KLF11: variants seen among roughly 807,000 people sequenced by gnomAD.
The protein encoded by KLF11 is KLF transcription factor 11.
KLF11 carries 26 observed loss-of-function variants against 29.9 expected under a neutral mutation model. The observed-to-expected ratio is 0.87, with a 90% confidence interval of 0.64 to 1.21. KLF11 has a LOEUF of 1.21. KLF11 is among the 50% of genes most tolerant of loss of function. The probability of loss-of-function intolerance (pLI) is 0.00; values close to 1 mark genes in which losing one functional copy is unlikely to be tolerated. For missense variants in KLF11, 778 were observed against 665.7 expected, an observed-to-expected ratio of 1.17 and a Z score of -1.86; for synonymous variants, 318 against 257.4, an observed-to-expected ratio of 1.24 and a Z score of -2.25.
rs1226804557 is a variant in KLF11, at chr2:10,053,765, A to G, written c.*1258A>G. ...TTTTCAACTGTATGAGCACGTAGAT[A>G]ACCGAGAGAATGTGGCCACCTGTGT... On this transcript the variant is annotated 3_prime_UTR_variant, in exon 4 of 4. Transcript: ENST00000305883. The G allele has an allele frequency of 5.1e-6, 1 of 196,424 alleles. No individual in the cohort carries two copies. Among genetic ancestry groups the G allele is most frequent in the African/African-American group, 2.3e-5 (1 of 43,378 alleles). 12.2% of individuals were successfully genotyped at this position (196,424 alleles called of 1,614,324 possible). A position where few individuals can be genotyped will look rare whatever the true frequency, so the allele number is the denominator to read the frequency against.
At chr2:10,052,152 A>G in intron 3 of KLF11, 75 bp from the exon 4 acceptor site, 1 of 1,420,090 alleles carries the variant, frequency 7.0e-7, no homozygotes, top group East Asian at 2.3e-5. Flanking sequence ...CGATTTTAAA[A>G]TGACATGAAT....
intron 3 of KLF11, among the ~76,000 whole-genome samples, chr2:10,049,114 G>A (rs1661329384): frequency 6.6e-6 from 1 of 152,104 alleles, no homozygotes; most frequent in Non-Finnish European, 1.5e-5. Flanking sequence ...AAGAAACTAT[G>A]CTGACCTAAT....
chr2:10,048,420 C>A lies in KLF11; in HGVS notation c.1083C>A (p.Ala361=). Residue 361 remains alanine, a synonymous_variant, in exon 3 of 4, where the codon GCC becomes GCA. Transcript: ENST00000305883. ...CCTGTGCAGCCAATGTCATGGCTGC[C>A]GGGAATACCAAGTTGTTGCCCCTTG... is the stretch of plus-strand genomic sequence containing the variant. ...PAPCAANVMA[A]GNTKLLPLAP... The A allele has an allele frequency of 6.2e-7, 1 of 1,614,070 alleles. No homozygotes were observed.
At chr2:10,051,992 A>G (rs998754494) in intron 3 of KLF11, among the ~76,000 whole-genome samples, 6 of 152,178 alleles carry the variant, frequency 3.9e-5, no homozygotes, top group African/African-American at 1.2e-4. Context: ...ATTTTTAAAT[A>G]TATTTTGAAA....
intron 1 of KLF11, among the ~76,000 whole-genome samples, chr2:10,045,275 A>G (rs1661156140): frequency 6.7e-6 from 1 of 149,308 alleles, no homozygotes; most frequent in Non-Finnish European, 1.5e-5. Flanking sequence ...AAAATACGAA[A>G]TTTTCTGGGC....
chr2:10,045,439 G>GTGAGCCGAGATTGTGCCACTGCAC (rs1661163232), intron 1 of KLF11, among the ~76,000 whole-genome samples: 1 of 151,906 alleles, frequency 6.6e-6, no homozygotes, highest in Non-Finnish European at 1.5e-5. Context: ...GGGCACTGCA[G>GTGAGCCGAGATTGTGCCACTGCAC]TGAGCCGAGA....
chr2:10,044,804 G>T (rs1308288928), intron 1 of KLF11, among the ~76,000 whole-genome samples: 1 of 151,968 alleles, frequency 6.6e-6, no homozygotes, highest in Non-Finnish European at 1.5e-5. Flanking sequence ...TTTTCTTTTG[G>T]AAGAGATCAG....
intron 3 of KLF11, among the ~76,000 whole-genome samples, chr2:10,051,422 G>T (rs1463015077): frequency 6.6e-6 from 1 of 151,390 alleles, no homozygotes; most frequent in African/African-American, 2.4e-5. Flanking sequence ...GGTCAGGCTG[G>T]TCTCGAACTT....
At chr2:10,044,649 C>CTT (rs56067200) in intron 1 of KLF11, among the ~76,000 whole-genome samples, 3,204 of 139,902 alleles carry the variant, frequency 0.023, 91 homozygotes, top group African/African-American at 0.063. Context: ...GTTTCCTTTC[C>CTT]TTTTTTTTTT....
Position 10,052,321 on chromosome 2 carries a change from G to C in KLF11, c.1353G>C (p.Glu451Asp). Residue 451 changes from glutamate to aspartate, a missense_variant, in exon 4 of 4, where the codon GAG becomes GAC. By Grantham distance (45) the Glu-to-Asp change is conservative. Transcript: ENST00000305883. The part of the protein sequence containing the change: ...LSRHRRTHTG[E>D]KKFVCPVCDR... ...GCCACCGCAGAACTCACACAGGGGA[G>C]AAGAAGTTTGTGTGCCCGGTGTGTG... 1 of 1,614,108 alleles carries C rather than the reference G, an allele frequency of 6.2e-7. No individual in the cohort carries two copies. The highest frequency in any genetic ancestry group is 8.5e-7 in the Non-Finnish European group (1 of 1,180,004).
intron 2 of KLF11, among the ~76,000 whole-genome samples, chr2:10,046,711 C>G (rs776000793): frequency 1.3e-5 from 2 of 152,046 alleles, no homozygotes; most frequent in East Asian, 1.9e-4. Flanking sequence ...AAAATTTATC[C>G]GGGTGTGGTG....
rs766116162 is a variant in KLF11, at chr2:10,052,531, T to C, written c.*24T>C. On this transcript the variant is annotated 3_prime_UTR_variant, in exon 4 of 4. Coordinates refer to ENST00000305883, the MANE Select transcript of KLF11 (RefSeq NM_003597.5). ...GAAAGGTCCATTAGGACATCACTCA[T>C]GGGATTTTTAAAAAGCCTCTTTCCA... 1.2e-6 allele frequency: 2 copies of C among 1,611,460 alleles called. No homozygotes were observed. Among genetic ancestry groups the C allele is most frequent in the Non-Finnish European group, 1.7e-6 (2 of 1,179,170 alleles).
At position 10,053,681 on chromosome 2, in the gene KLF11, CAG is replaced by C. The variant is rs1299653640; in HGVS notation, c.*1176_*1177del. ...TTTGAAGGAAATTGTTTTGACCAAACAGAAAATTACTTGGAATGGTGTGTTTT... is the reference window on the plus strand; with the variant it reads ...TTTGAAGGAAATTGTTTTGACCAAACAAAATTACTTGGAATGGTGTGTTTT... On this transcript the variant is annotated 3_prime_UTR_variant, in exon 4 of 4. Coordinates refer to ENST00000305883, the MANE Select transcript of KLF11 (RefSeq NM_003597.5). 1.5e-5 allele frequency: 5 copies of C among 343,390 alleles called. No individual in the cohort carries two copies. Among genetic ancestry groups the C allele is most frequent in the South Asian group, 1.5e-4 (1 of 6,516 alleles). 21.3% of individuals were successfully genotyped at this position (343,390 alleles called of 1,614,324 possible).
At position 10,052,303 on chromosome 2, in the gene KLF11, C is replaced by T. The variant is rs1296313925; in HGVS notation, c.1335C>T (p.Arg445=). The change falls in exon 4 of 4, where the codon CGC becomes CGT. Residue 445 remains arginine, a synonymous_variant. Transcript: ENST00000305883. ...GTTCGGATGAGCTGTCACGCCACCG[C>T]AGAACTCACACAGGGGAGAAGAAGT... ...FARSDELSRH[R]RTHTGEKKFV... The T allele has an allele frequency of 2.5e-6, 4 of 1,614,182 alleles. No individual in the cohort carries two copies. In the South Asian group the frequency reaches 4.4e-5, roughly 18 times the overall value.
At position 10,052,231 on chromosome 2, in the gene KLF11, G is replaced by T; in HGVS notation, c.1263G>T (p.Glu421Asp). Residue 421 changes from glutamate to aspartate, a missense_variant, in exon 4 of 4, where the codon GAG (glutamate) becomes GAT (aspartate). By Grantham distance (45) the Glu-to-Asp change is conservative. Coordinates refer to ENST00000305883, the MANE Select transcript of KLF11 (RefSeq NM_003597.5). ...ATGTATTTTCTCACCTCACAGGGGA[G>T]AAGCCTTTCAACTGCAGCTGGGATG... The part of the protein sequence containing the change: ...LKAHLRTHTG[E>D]KPFNCSWDGC... 6.2e-7 allele frequency: 1 copy of T among 1,614,158 alleles called. No individual in the cohort carries two copies. Among genetic ancestry groups the T allele is most frequent in the African/African-American group, 1.3e-5 (1 of 75,038 alleles).
At chr2:10,048,674 G>A (rs532844913) in intron 3 of KLF11, 79 bp downstream of exon 3, 2 of 1,121,256 alleles carry the variant, frequency 1.8e-6, no homozygotes, top group African/African-American at 1.5e-5. Flanking sequence ...CCTTTGGCTG[G>A]GAGGGGATCA....
chr2:10,048,729 C>G (rs1661313058), intron 3 of KLF11, 134 bp downstream of exon 3: 1 of 738,508 alleles, frequency 1.4e-6, no homozygotes, highest in South Asian at 1.5e-5. Flanking sequence ...TTCTTTGGTT[C>G]TGAAAAGCCC....
chr2:10,046,295 A>G lies in KLF11; in HGVS notation c.188A>G (p.Lys63Arg). 2 of 1,614,196 alleles carry G rather than the reference A, an allele frequency of 1.2e-6. No individual in the cohort carries two copies. The highest frequency in any genetic ancestry group is 1.7e-6 in the Non-Finnish European group (2 of 1,180,044). The change falls in exon 2 of 4, where the codon AAA becomes AGA. Residue 63 changes from lysine (K) to arginine (R), a missense_variant. Transcript: ENST00000305883. ...CMSSWGQRSQKGDLLRIRPLT... is the reference protein window; with the variant it reads ...CMSSWGQRSQRGDLLRIRPLT... ...AGCTCCTGGGGTCAAAGATCCCAGA[A>G]AGGTGACCTGTTGCGGATAAGACCC...
chr2:10,046,289 C>T lies in KLF11; in HGVS notation c.182C>T (p.Ser61Phe). The T allele has an allele frequency of 6.2e-7, 1 of 1,614,170 alleles. No individual in the cohort carries two copies. Among genetic ancestry groups the T allele is most frequent in the Non-Finnish European group, 8.5e-7 (1 of 1,180,032 alleles). The change falls in exon 2 of 4, where the codon TCC becomes TTC. Residue 61 changes from serine to phenylalanine, a missense_variant. Transcript: ENST00000305883. ...TGTATGAGCTCCTGGGGTCAAAGAT[C>T]CCAGAAAGGTGACCTGTTGCGGATA... ...LVCMSSWGQR[S>F]QKGDLLRIRP...
Sources: allele counts gnomAD v4.1 joint callset (sites outside exome capture counted in the v4.1 genomes callset), GRCh38; gene constraint gnomAD v4.1.1; transcripts MANE v1.5; gene names NCBI Gene and HGNC (gene_info 2026-07-23, HGNC 2026-07-21).